The following COL4A6 variants were observed in gnomAD, a reference collection of about 807,000 sequenced individuals.
The protein encoded by COL4A6 is collagen type IV alpha 6 chain, also known as collagen alpha-6(IV) chain.
Under a neutral mutation model 126.7 loss-of-function variants are expected in COL4A6, and 59 were observed. The ratio of observed to expected loss-of-function variants is 0.47; its 90% CI spans 0.38 to 0.58. The LOEUF (loss-of-function observed/expected upper bound fraction) is 0.58. Ranked by LOEUF, COL4A6 falls within the 20% of genes least tolerant of loss-of-function variation. COL4A6 has a pLI of 0.00. For synonymous variants in COL4A6, 547 were observed against 496.6 expected, an observed-to-expected ratio of 1.10 and a Z score of -1.35; for missense variants, 1,285 against 1,337.3, an observed-to-expected ratio of 0.96 and a Z score of 0.61.
At position 108,169,840 on chromosome X, in the gene COL4A6, A is replaced by G. The variant is rs372825430; in HGVS notation, c.3565+105T>C. On this transcript the variant is annotated intron_variant, in intron 36 of 44. Coordinates refer to ENST00000334504, the MANE Select transcript of COL4A6 (RefSeq NM_033641.4). Reference sequence around the variant, plus strand: ...TTGGAGGTTAATAAGGAGAGCTATGAGTCCAAGGATATGGGATACACCACA... The same window carrying G: ...TTGGAGGTTAATAAGGAGAGCTATGGGTCCAAGGATATGGGATACACCACA... The G allele has an allele frequency of 7.0e-6, 6 of 857,747 alleles. No individual in the cohort carries two copies. In the African/African-American group the frequency reaches 8.2e-5, roughly 12 times the overall value. The allele number at this position is 857,747 out of a possible 1,213,427, so 70.7% of individuals were successfully genotyped here. A position where few individuals can be genotyped will look rare whatever the true frequency, so the allele number is the denominator to read the frequency against.
intron 2 of COL4A6, among the ~76,000 whole-genome samples, chrX:108,347,388 G>T (rs1477555338): frequency 1.8e-5 from 2 of 112,214 alleles, no homozygotes; most frequent in Non-Finnish European, 3.8e-5. Flanking sequence ...AATAGGACCT[G>T]CTGTATATAC....
At chrX:108,282,432 CA>C (rs1478379999) in intron 3 of COL4A6, among the ~76,000 whole-genome samples, 2 of 111,068 alleles carry the variant, frequency 1.8e-5, no homozygotes, top group Non-Finnish European at 3.8e-5. Context: ...AAATGCAAAT[CA>C]AAACCACAAT....
intron 3 of COL4A6, among the ~76,000 whole-genome samples, chrX:108,288,220 A>C (rs991692587): frequency 8.9e-6 from 1 of 112,044 alleles, no homozygotes; most frequent in Non-Finnish European, 1.9e-5. Flanking sequence ...TGATATAGAA[A>C]AGCTAAGATT....
At chrX:108,429,363 G>T (rs1012440166) in intron 2 of COL4A6, among the ~76,000 whole-genome samples, 7 of 112,025 alleles carry the variant, frequency 6.2e-5, no homozygotes, top group Non-Finnish European at 1.1e-4. Flanking sequence ...AATATATGTT[G>T]TTGGAGGAGG....
At chrX:108,254,039 A>T (rs183033847) in intron 3 of COL4A6, among the ~76,000 whole-genome samples, 4 of 111,596 alleles carry the variant, frequency 3.6e-5, no homozygotes, top group South Asian at 7.5e-4. Flanking sequence ...CCTGCCTCAC[A>T]AGGTACAGTC....
At chrX:108,314,052 G>C (rs1360360408) in intron 2 of COL4A6, among the ~76,000 whole-genome samples, 1 of 111,979 alleles carries the variant, frequency 8.9e-6, no homozygotes, top group African/African-American at 3.3e-5. Context: ...ATGTGGTTAT[G>C]TTCTAGACTT....
At chrX:108,349,057 T>C (rs1473928349) in intron 2 of COL4A6, among the ~76,000 whole-genome samples, 1 of 111,509 alleles carries the variant, frequency 9.0e-6, no homozygotes, top group African/African-American at 3.3e-5. Context: ...ATTTATACCA[T>C]GGAAATTGGC....
At chrX:108,276,907 T>C (rs180696774) in intron 3 of COL4A6, among the ~76,000 whole-genome samples, 2 of 112,420 alleles carry the variant, frequency 1.8e-5, no homozygotes, top group African/African-American at 3.2e-5. Context: ...ATCTGTATCA[T>C]GAGAAAGCTG....
intron 2 of COL4A6, among the ~76,000 whole-genome samples, chrX:108,374,580 T>C (rs1439084903): frequency 8.9e-6 from 1 of 111,983 alleles, no homozygotes; most frequent in Non-Finnish European, 1.9e-5. Flanking sequence ...CAGGAGTGAG[T>C]AAATTCTTTG....
chrX:108,164,979 T>A lies in COL4A6; in HGVS notation c.3868A>T (p.Thr1290Ser). 8.3e-7 allele frequency: 1 copy of A among 1,210,696 alleles called. No individual in the cohort carries two copies. The highest frequency in any genetic ancestry group is 1.1e-6 in the Non-Finnish European group (1 of 895,124). ...ATTCCAGGGAAGCCAGGGTCTCCGG[T>A]GTCGCCTTGATTCGAGGATGGCCCA... ...PPGPSSNQGD[T>S]GDPGFPGIPG... The change falls in exon 39 of 45, where the codon ACC becomes TCC. Residue 1290 changes from threonine to serine, a missense_variant. Coordinates refer to ENST00000334504, the MANE Select transcript of COL4A6 (RefSeq NM_033641.4).
intron 2 of COL4A6, among the ~76,000 whole-genome samples, chrX:108,379,310 C>T (rs1260628411): frequency 6.4e-5 from 7 of 110,068 alleles, no homozygotes; most frequent in Admixed American, 9.8e-5. Context: ...AGTGCAGTGG[C>T]GCAATCATAG....
chrX:108,303,631 T>G (rs2038554694), intron 3 of COL4A6, among the ~76,000 whole-genome samples: 1 of 111,792 alleles, frequency 8.9e-6, no homozygotes, highest in Non-Finnish European at 1.9e-5. Flanking sequence ...AGCGAGTTTC[T>G]AAAGCTAGAA....
intron 3 of COL4A6, among the ~76,000 whole-genome samples, chrX:108,309,142 A>G (rs2038699301): frequency 8.9e-6 from 1 of 111,950 alleles, no homozygotes; most frequent in Admixed American, 9.5e-5. Context: ...AATGGCACTG[A>G]AAGAGCACCA....
At chrX:108,277,492 C>T (rs5973857) in intron 3 of COL4A6, among the ~76,000 whole-genome samples, 29,687 of 111,705 alleles carry the variant, frequency 0.27, 3,233 homozygotes, top group East Asian at 0.61. Flanking sequence ...CCCTGAAGCT[C>T]GAACTGGGTG....
chrX:108,177,472 T>C lies in COL4A6; in HGVS notation c.2516-461A>G, dbSNP rs181702625. Among the ~76,000 whole-genome samples, 25 of 111,504 alleles carry C rather than the reference T, an allele frequency of 2.2e-4. No homozygotes were observed. In the East Asian group the frequency reaches 6.8e-3, roughly 30 times the overall value. ...TTTCAGCCTCCCAGGGAGCCTTGGATACAGGGCTGCCCTTTTAATCCCTCA... is the reference window on the plus strand; with the variant it reads ...TTTCAGCCTCCCAGGGAGCCTTGGACACAGGGCTGCCCTTTTAATCCCTCA... On this transcript the variant is annotated intron_variant, in intron 27 of 44. Transcript: ENST00000334504.
rs1419707672 is a variant in COL4A6 at position 108,176,845 on chromosome X, G to C, written c.2682C>G (p.Pro894=). The change falls in exon 28 of 45, where the codon CCC becomes CCG. Residue 894 remains proline (P), a synonymous_variant. Transcript: ENST00000334504. ...GVAGLPALSG[P]KGEKGSVGFV... ...TTCACTGATCACTTCACTTACCCTTGGGTCCAGAGAGGGCTGGCAACCCAG... is the reference window on the plus strand; with the variant it reads ...TTCACTGATCACTTCACTTACCCTTCGGTCCAGAGAGGGCTGGCAACCCAG... 8.3e-7 allele frequency: 1 copy of C among 1,204,963 alleles called. No individual in the cohort carries two copies. Among genetic ancestry groups the C allele is most frequent in the African/African-American group, 1.7e-5 (1 of 57,565 alleles).
intron 2 of COL4A6, among the ~76,000 whole-genome samples, chrX:108,421,236 G>A (rs2063977681): frequency 1.8e-5 from 2 of 112,002 alleles, no homozygotes; most frequent in South Asian, 7.4e-4. Context: ...GCAACACAGT[G>A]GTATGAGGAT....
At chrX:108,424,124 C>T (rs779909085) in intron 2 of COL4A6, among the ~76,000 whole-genome samples, 1 of 111,823 alleles carries the variant, frequency 8.9e-6, no homozygotes. Context: ...AAAGAAAACC[C>T]GATTGATGGG....
intron 2 of COL4A6, among the ~76,000 whole-genome samples, chrX:108,333,062 C>T (rs1156407632): frequency 9.0e-6 from 1 of 110,702 alleles, no homozygotes. Flanking sequence ...TCCAATTTTT[C>T]CAGCCTTATT....
Sources: gnomAD v4.1 joint callset for allele counts (sites outside exome capture counted in the v4.1 genomes callset) on GRCh38, gnomAD v4.1.1 for gene constraint, MANE v1.5 for transcripts, NCBI Gene and HGNC (gene_info 2026-07-23, HGNC 2026-07-21) for gene names.